The following MCOLN2 variants were observed in gnomAD, a reference collection of about 807,000 sequenced individuals.
MCOLN2 encodes the protein mucolipin-2.
MCOLN2 carries 57 observed loss-of-function variants against 67.5 expected under a neutral mutation model. The observed-to-expected ratio is 0.84, with a 90% CI of 0.68 to 1.05. The LOEUF is 1.05. MCOLN2 is among the 50% of genes least tolerant of loss of function. The pLI is 0.00. For synonymous variants in MCOLN2, 246 were observed against 233.3 expected (o/e 1.05, Z -0.50); for missense variants, 620 against 678.8 (o/e 0.91, Z 0.96).
At chr1:84,928,080 T>C (rs1661242467) in intron 13 of MCOLN2, among the ~76,000 whole-genome samples, 1 of 152,176 alleles carries the variant, frequency 6.6e-6, no homozygotes, top group Non-Finnish European at 1.5e-5. Flanking sequence ...GATCTAGGCT[T>C]TGGTCTGATG....
At chr1:84,941,903 G>T (rs987474706) in intron 7 of MCOLN2, among the ~76,000 whole-genome samples, 1 of 152,166 alleles carries the variant, frequency 6.6e-6, no homozygotes, top group African/African-American at 2.4e-5. Context: ...GAATGTATGG[G>T]AAGGAGATGA....
At chr1:84,987,267 GTA>G (rs35461977) in intron 1 of MCOLN2, among the ~76,000 whole-genome samples, 111,191 of 136,398 alleles carry the variant, frequency 0.82, 44,498 homozygotes, top group Non-Finnish European at 0.87. Flanking sequence ...ACATATAGAT[GTA>G]TATATATATC....
intron 7 of MCOLN2, among the ~76,000 whole-genome samples, chr1:84,941,293 A>G (rs991540529): frequency 7.2e-5 from 11 of 152,108 alleles, no homozygotes; most frequent in South Asian, 2.1e-4. Flanking sequence ...TCAGGAGATC[A>G]AGACCATCCT....
chr1:84,950,854 C>T (rs1648388941), intron 6 of MCOLN2, among the ~76,000 whole-genome samples: 1 of 152,220 alleles, frequency 6.6e-6, no homozygotes, highest in Non-Finnish European at 1.5e-5. Flanking sequence ...TCCATTAGCA[C>T]TGGCACTCAA....
chr1:84,961,588 C>T (rs1472117939), intron 2 of MCOLN2, among the ~76,000 whole-genome samples: 2 of 152,054 alleles, frequency 1.3e-5, no homozygotes, highest in Non-Finnish European at 1.5e-5. Flanking sequence ...GAGGAAACTG[C>T]GAAGTCCCTT....
At chr1:84,979,100 G>A (rs1006684792) in intron 1 of MCOLN2, among the ~76,000 whole-genome samples, 5 of 152,048 alleles carry the variant, frequency 3.3e-5, no homozygotes, top group African/African-American at 1.2e-4. Flanking sequence ...ATAAGGGTGG[G>A]TCTGCCTTTC....
chr1:84,960,026 C>T (rs1233335914), intron 2 of MCOLN2, among the ~76,000 whole-genome samples: 1 of 152,108 alleles, frequency 6.6e-6, no homozygotes, highest in Non-Finnish European at 1.5e-5. Flanking sequence ...ATAGCAAAAC[C>T]TGTCTCTAAA....
rs1004238906 is a variant in MCOLN2 at position 84,996,631 on chromosome 1, G to T, written c.77+165C>A. Among the ~76,000 whole-genome samples the T allele has an allele frequency of 3.3e-5, 5 of 152,120 alleles. No individual in the cohort carries two copies. The East Asian group carries it at 9.7e-4, about 29-fold the overall frequency. On this transcript the variant is annotated intron_variant, in intron 1 of 13. Transcript: ENST00000370608. ...ACCCTCCCACCTGAGGGAAAGGCCT[G>T]TTTGTTCTGGAAGGCACAGCCTAGC...
At chr1:84,926,983 T>C (rs1661190003) in intron 13 of MCOLN2, among the ~76,000 whole-genome samples, 1 of 151,746 alleles carries the variant, frequency 6.6e-6, no homozygotes, top group Non-Finnish European at 1.5e-5. Context: ...AGGAGTCACC[T>C]GTCTCTTAAG....
At chr1:84,983,572 T>C (rs1284893614) in intron 1 of MCOLN2, among the ~76,000 whole-genome samples, 1 of 151,992 alleles carries the variant, frequency 6.6e-6, no homozygotes. Flanking sequence ...GCCTGGTCTG[T>C]ACATAATTTT....
intron 11 of MCOLN2, chr1:84,937,535 T>C (rs1285241522): frequency 5.8e-6 from 7 of 1,197,574 alleles, no homozygotes; most frequent in Non-Finnish European, 7.4e-6. Flanking sequence ...ACAACTATAA[T>C]ACATGCTTTC....
chr1:84,996,881 C>A lies in MCOLN2; in HGVS notation c.-9G>T, dbSNP rs777068003. 1.2e-6 allele frequency: 2 copies of A among 1,613,576 alleles called. No individual in the cohort carries two copies. Among genetic ancestry groups the A allele is most frequent in the Non-Finnish European group, 8.5e-7 (1 of 1,179,500 alleles). On this transcript the variant is annotated 5_prime_UTR_variant, in exon 1 of 14. In the 5' UTR this introduces an upstream ATG that the reference lacks. Transcript: ENST00000370608. ...TAAGGCTGCCGGGCCATGCCTCCTC[C>A]TTCAAAACTTTCCAGGGCTCTCGGG...
intron 4 of MCOLN2, among the ~76,000 whole-genome samples, chr1:84,953,660 T>TA (rs937459301): frequency 6.6e-6 from 1 of 151,668 alleles, no homozygotes; most frequent in Non-Finnish European, 1.5e-5. Context: ...TTTTTCAAAG[T>TA]AAAAAAATAG....
At chr1:84,935,509 T>C (rs1647377059) in intron 11 of MCOLN2, among the ~76,000 whole-genome samples, 3 of 152,180 alleles carry the variant, frequency 2.0e-5, no homozygotes, top group Non-Finnish European at 2.9e-5. Flanking sequence ...TAGTCCAAAT[T>C]GAGACGTGCT....
intron 4 of MCOLN2, among the ~76,000 whole-genome samples, chr1:84,955,096 T>A (rs1648713134): frequency 6.6e-6 from 1 of 151,994 alleles, no homozygotes; most frequent in South Asian, 2.1e-4. Context: ...TGAGTTCTCA[T>A]GAGATCTGAT....
At chr1:84,973,987 G>C (rs1468266706) in intron 1 of MCOLN2, among the ~76,000 whole-genome samples, 1 of 152,148 alleles carries the variant, frequency 6.6e-6, no homozygotes, top group Non-Finnish European at 1.5e-5. Flanking sequence ...TGCATGCTGT[G>C]GGAGGGAGAG....
At chr1:84,960,019 G>T (rs1648994634) in intron 2 of MCOLN2, among the ~76,000 whole-genome samples, 1 of 152,132 alleles carries the variant, frequency 6.6e-6, no homozygotes, top group Admixed American at 6.5e-5. Flanking sequence ...TGGCAATATA[G>T]CAAAACCTGT....
At chr1:84,932,071 G>T (rs894380438) in intron 11 of MCOLN2, among the ~76,000 whole-genome samples, 2 of 151,604 alleles carry the variant, frequency 1.3e-5, no homozygotes, top group African/African-American at 4.9e-5. Context: ...TACTCTCAAA[G>T]TTAATCTCTT....
At chr1:84,981,207 G>C (rs1445660247) in intron 1 of MCOLN2, among the ~76,000 whole-genome samples, 1 of 152,196 alleles carries the variant, frequency 6.6e-6, no homozygotes, top group Non-Finnish European at 1.5e-5. Flanking sequence ...CTGTTGGTGG[G>C]ACTGTAAATT....
Sources: allele counts gnomAD v4.1 joint callset (sites outside exome capture counted in the v4.1 genomes callset), GRCh38; gene constraint gnomAD v4.1.1; transcripts MANE v1.5; gene names NCBI Gene and HGNC (gene_info 2026-07-23, HGNC 2026-07-21).